Variants in RPL12 observed in about 807,000 individuals in gnomAD.
RPL12 encodes the protein ribosomal protein L12.
In RPL12, 10 loss-of-function variants were observed where a neutral mutation model predicts 24.5. The observed-to-expected ratio is 0.41, with a 90% CI of 0.25 to 0.69. RPL12 has a LOEUF of 0.69. Among genes scored for constraint, RPL12 ranks in the 30% least tolerant of loss-of-function variants. The probability of loss-of-function intolerance (pLI) is 0.33; values close to 1 mark genes in which losing one functional copy is unlikely to be tolerated. For synonymous variants in RPL12, 74 were observed against 76.1 expected (o/e 0.97, Z 0.14); for missense variants, 137 against 205.3 (o/e 0.67, Z 2.03).
chr9:127,449,422 G>T, intron 3 of RPL12, 60 bp from the exon 4 acceptor site: 1 of 1,504,024 alleles, frequency 6.6e-7, no homozygotes, highest in Non-Finnish European at 9.2e-7. Context: ...ATGCACGCTG[G>T]CTCTCAAAAA....
Position 127,451,376 on chromosome 9 carries a change from C to G in RPL12, c.-59G>C, listed in dbSNP as rs987080271. On this transcript the variant is annotated 5_prime_UTR_variant, in exon 1 of 7. Coordinates refer to ENST00000361436, the MANE Select transcript of RPL12 (RefSeq NM_000976.4). ...TCGGGACGACCGAAGGAAGTTGCAC[C>G]TTGGCCTCCTCCGAGCCGAAAGCCG... 1 of 1,605,392 alleles carries G rather than the reference C, an allele frequency of 6.2e-7. No homozygotes were observed. Among genetic ancestry groups the G allele is most frequent in the Non-Finnish European group, 8.5e-7 (1 of 1,176,362 alleles).
intron 4 of RPL12, among the ~76,000 whole-genome samples, chr9:127,448,832 CTTTT>C (rs368058964): frequency 4.2e-4 from 60 of 143,688 alleles, no homozygotes; most frequent in Admixed American, 2.1e-4. Context: ...CTACATGGCA[CTTTT>C]TTTTTTTTTT....
chr9:127,449,015 T>TG (rs1315790714), intron 4 of RPL12: 1 of 377,852 alleles, frequency 2.6e-6, no homozygotes. Context: ...TTGGTGGAGA[T>TG]GGGGTTTCAC....
rs748357348 is a variant in RPL12, at chr9:127,447,681, G to A, written c.*40C>T. Reference sequence around the variant, plus strand: ...AGACGCCACACCAGAAAATCCACCAGTTGTCAAATGATCCTTTATTGAAAT... The same window carrying A: ...AGACGCCACACCAGAAAATCCACCAATTGTCAAATGATCCTTTATTGAAAT... On this transcript the variant is annotated 3_prime_UTR_variant, in exon 7 of 7. Transcript: ENST00000361436. The A allele has an allele frequency of 3.1e-6, 5 of 1,612,384 alleles. No individual in the cohort carries two copies. Among genetic ancestry groups the A allele is most frequent in the East Asian group, 2.2e-5 (1 of 44,884 alleles).
chr9:127,449,737 G>T, intron 2 of RPL12, 29 bp from the exon 3 acceptor site: 1 of 1,554,956 alleles, frequency 6.4e-7, no homozygotes, highest in Non-Finnish European at 8.8e-7. Context: ...AATCAACATG[G>T]TGTCCAGAGG....
intron 2 of RPL12, 147 bp downstream of exon 2, chr9:127,450,584 G>A (rs539362333): frequency 6.0e-5 from 35 of 580,448 alleles, no homozygotes; most frequent in African/African-American, 4.7e-4. Flanking sequence ...ACCTTCCTAA[G>A]GTACCTAGTA....
At chr9:127,450,833 G>A in intron 1 of RPL12, 29 bp from the exon 2 acceptor site, 1 of 1,479,910 alleles carries the variant, frequency 6.8e-7, no homozygotes, top group South Asian at 1.2e-5. Flanking sequence ...TAGTGTCTGT[G>A]CAGAGGGAGC....
intron 3 of RPL12, 38 bp downstream of exon 3, chr9:127,449,572 C>T: frequency 6.4e-7 from 1 of 1,559,594 alleles, no homozygotes. Flanking sequence ...TACCTGTCCC[C>T]CCACCCTCCT....
rs544921241 is a variant in RPL12 at position 127,449,511 on chromosome 9, T to C, written c.210+99A>G. On this transcript the variant is annotated intron_variant, in intron 3 of 6. Coordinates refer to ENST00000361436, the MANE Select transcript of RPL12 (RefSeq NM_000976.4). The stretch of plus-strand genomic sequence containing the variant: ...CCTCCCCAACAAGGTGAAATCACTC[T>C]CGGCTCACCACTGGTGGCAGAAATA... 8.8e-5 allele frequency: 117 copies of C among 1,325,910 alleles called. No individual in the cohort carries two copies. In the African/African-American group the frequency reaches 1.6e-3, roughly 18 times the overall value. The allele number at this position is 1,325,910 out of a possible 1,614,324, so 82.1% of individuals were successfully genotyped here. A position where few individuals can be genotyped will look rare whatever the true frequency, so the allele number is the denominator to read the frequency against.
chr9:127,449,960 T>C (rs1476096977), intron 2 of RPL12: 4 of 468,534 alleles, frequency 8.5e-6, no homozygotes, highest in Non-Finnish European at 1.6e-5. Flanking sequence ...GGAGGGGGAT[T>C]TTCAGCCCTG....
At position 127,447,698 on chromosome 9, in the gene RPL12, T is replaced by A; in HGVS notation, c.*23A>T. The A allele has an allele frequency of 6.2e-7, 1 of 1,613,318 alleles. No individual in the cohort carries two copies. The highest frequency in any genetic ancestry group is 1.1e-5 in the South Asian group (1 of 90,854). On this transcript the variant is annotated 3_prime_UTR_variant, in exon 7 of 7. Coordinates refer to ENST00000361436, the MANE Select transcript of RPL12 (RefSeq NM_000976.4). Reference sequence around the variant, plus strand: ...ATCCACCAGTTGTCAAATGATCCTTTATTGAAATGTTTTCCTTTGTGCTTA... The same window carrying A: ...ATCCACCAGTTGTCAAATGATCCTTAATTGAAATGTTTTCCTTTGTGCTTA...
intron 1 of RPL12, 126 bp from the exon 2 acceptor site, chr9:127,450,930 G>T: frequency 1.3e-6 from 1 of 771,972 alleles, no homozygotes; most frequent in Non-Finnish European, 2.1e-6. Flanking sequence ...CGCGAGGCGG[G>T]CCACCCGCTC....
chr9:127,448,375 C>G lies in RPL12; in HGVS notation c.341G>C (p.Arg114Pro). Residue 114 changes from arginine (R) to proline (P), a missense_variant, in exon 5 of 7, where the codon CGA (arginine) becomes CCA (proline). Coordinates refer to ENST00000361436, the MANE Select transcript of RPL12 (RefSeq NM_000976.4). Reference protein sequence around the residue: ...ITFDEIVNIARQMRHRSLARE... With the variant: ...ITFDEIVNIAPQMRHRSLARE... ...GGCTAAGGATCGGTGCCGCATCTGT[C>G]GAGCAATGTTGACAATCTCATCAAA... 6.2e-7 allele frequency: 1 copy of G among 1,613,994 alleles called. No homozygotes were observed.
In RPL12 at chr9:127,449,549, C is replaced by T. The variant is rs911593625; in HGVS notation, c.210+61G>A. 5 of 1,479,128 alleles carry T rather than the reference C, an allele frequency of 3.4e-6. No homozygotes were observed. The African/African-American group carries it at 6.9e-5, about 21-fold the overall frequency. 91.6% of individuals were successfully genotyped at this position (1,479,128 alleles called of 1,614,324 possible). A position where few individuals can be genotyped will look rare whatever the true frequency, so the allele number is the denominator to read the frequency against. ...GGTGGCAGAAATACTCTTCAGGAAT[C>T]CCAGAGGGTTGCTACCTGTCCCCCC... On this transcript the variant is annotated intron_variant, in intron 3 of 6. Coordinates refer to ENST00000361436, the MANE Select transcript of RPL12 (RefSeq NM_000976.4).
chr9:127,448,480 G>A, intron 4 of RPL12, 57 bp from the exon 5 acceptor site: 1 of 1,113,366 alleles, frequency 9.0e-7, no homozygotes, highest in Non-Finnish European at 1.4e-6. Flanking sequence ...AGCAGATCAT[G>A]TGTCCTTCAT....
rs1834246163 is a variant in RPL12, at chr9:127,449,918, C to T, written c.112-210G>A. ...ACTGCAGACTTGGCCACAATGTAAC[C>T]TAGACCCCCTCCTAAGTGCCCATGT... On this transcript the variant is annotated intron_variant, in intron 2 of 6. Coordinates refer to ENST00000361436, the MANE Select transcript of RPL12 (RefSeq NM_000976.4). 3 of 563,262 alleles carry T rather than the reference C, an allele frequency of 5.3e-6. 1 individual carries two copies. The South Asian group carries it at 6.1e-5, about 12-fold the overall frequency. The allele number at this position is 563,262 out of a possible 1,614,324, so 34.9% of individuals were successfully genotyped here.
intron 1 of RPL12, 170 bp downstream of exon 1, chr9:127,451,111 G>C: frequency 1.1e-6 from 1 of 883,316 alleles, no homozygotes. Context: ...CCACCTACAC[G>C]TGAAGAAGCT....
chr9:127,449,105 G>T (rs1194529169), intron 4 of RPL12, 176 bp downstream of exon 4: 2 of 556,348 alleles, frequency 3.6e-6, no homozygotes, highest in Admixed American at 3.0e-5. Flanking sequence ...GATTACAGGT[G>T]TGAGCCACCC....
At chr9:127,449,164 A>G (rs1247469774) in intron 4 of RPL12, 117 bp downstream of exon 4, 2 of 780,922 alleles carry the variant, frequency 2.6e-6, no homozygotes, top group South Asian at 1.6e-5. Flanking sequence ...AGCCCTAACC[A>G]TATCAACACC....
Sources: gnomAD v4.1 joint callset for allele counts (sites outside exome capture counted in the v4.1 genomes callset) on GRCh38, gnomAD v4.1.1 for gene constraint, MANE v1.5 for transcripts, NCBI Gene and HGNC (gene_info 2026-07-23, HGNC 2026-07-21) for gene names.